The following CREB3L2 variants were observed in gnomAD, a reference collection of about 807,000 sequenced individuals.
CREB3L2 encodes cAMP responsive element binding protein 3 like 2.
CREB3L2 carries 23 observed loss-of-function variants against 57.2 expected under a neutral mutation model. The observed-to-expected ratio is 0.40, with a 90% confidence interval of 0.29 to 0.57. The LOEUF is 0.57. Ranked by LOEUF, CREB3L2 falls within the 20% of genes least tolerant of loss-of-function variation. The pLI is 0.42. For missense variants in CREB3L2, 628 were observed against 634.7 expected (o/e 0.99, Z 0.11); for synonymous variants, 268 against 265.1 (o/e 1.01, Z -0.11).
intron 3 of CREB3L2, 70 bp downstream of exon 3, chr7:137,915,767 T>G: frequency 2.1e-6 from 3 of 1,402,408 alleles, no homozygotes; most frequent in Non-Finnish European, 2.9e-6. Flanking sequence ...ATTAAACACC[T>G]TATTGGAGAA....
chr7:137,917,381 A>C (rs1019435962), intron 2 of CREB3L2, among the ~76,000 whole-genome samples: 2 of 152,204 alleles, frequency 1.3e-5, no homozygotes, highest in African/African-American at 4.8e-5. Context: ...GAACAAGACA[A>C]AGCAAGCCAA....
chr7:137,978,944 A>T lies in CREB3L2; in HGVS notation c.102+22660T>A, dbSNP rs1221657715. Among the ~76,000 whole-genome samples the T allele has an allele frequency of 3.3e-5, 5 of 152,332 alleles. No individual in the cohort carries two copies. The East Asian group carries it at 9.6e-4, about 29-fold the overall frequency. ...GCCCCATGCATGGTGGGATGAGGCG[A>T]AGGTCTGATGGCATCTCAGAGATGT... On this transcript the variant is annotated intron_variant, in intron 1 of 11. Transcript: ENST00000330387.
chr7:137,976,310 C>T (rs1007353439), intron 1 of CREB3L2, among the ~76,000 whole-genome samples: 36 of 152,228 alleles, frequency 2.4e-4, no homozygotes, highest in African/African-American at 8.4e-4. Context: ...TCTCCACTTA[C>T]CTCCACACTC....
chr7:137,988,239 G>A (rs1035131924), intron 1 of CREB3L2, among the ~76,000 whole-genome samples: 2 of 152,388 alleles, frequency 1.3e-5, no homozygotes, highest in African/African-American at 2.4e-5. Context: ...GAGAGCAAGG[G>A]CAGAACCCAG....
intron 1 of CREB3L2, among the ~76,000 whole-genome samples, chr7:137,989,347 A>C (rs945231977): frequency 6.7e-6 from 1 of 148,946 alleles, no homozygotes; most frequent in Non-Finnish European, 1.5e-5. Context: ...TGAATAGCAC[A>C]CTCAACCCTT....
intron 1 of CREB3L2, among the ~76,000 whole-genome samples, chr7:137,954,384 G>A (rs1801166067): frequency 6.6e-6 from 1 of 152,138 alleles, no homozygotes; most frequent in African/African-American, 2.4e-5. Context: ...CCAGAAGTAG[G>A]GGTGGACCCA....
At chr7:137,884,893 T>A (rs1390930642) in intron 10 of CREB3L2, 102 bp downstream of exon 10, 1 of 1,526,282 alleles carries the variant, frequency 6.6e-7, no homozygotes, top group Admixed American at 1.7e-5. Flanking sequence ...TACCACTTTT[T>A]AAACATTGGA....
At chr7:137,910,797 A>T (rs1301950341) in intron 4 of CREB3L2, among the ~76,000 whole-genome samples, 3 of 152,206 alleles carry the variant, frequency 2.0e-5, no homozygotes, top group Admixed American at 2.0e-4. Flanking sequence ...CCTATCTATT[A>T]AGAGCTACAG....
chr7:137,991,355 G>T (rs1445922820), intron 1 of CREB3L2, among the ~76,000 whole-genome samples: 1 of 151,542 alleles, frequency 6.6e-6, no homozygotes, highest in Admixed American at 6.6e-5. Context: ...TAGTAGAGAC[G>T]GGATTTCACC....
intron 1 of CREB3L2, among the ~76,000 whole-genome samples, chr7:137,985,009 G>A (rs915207517): frequency 6.6e-6 from 1 of 152,124 alleles, no homozygotes; most frequent in Non-Finnish European, 1.5e-5. Context: ...GGGAGCTGGG[G>A]GTTTTGTTTG....
intron 2 of CREB3L2, 58 bp from the exon 3 acceptor site, chr7:137,916,070 A>G: frequency 7.0e-7 from 1 of 1,422,728 alleles, no homozygotes; most frequent in South Asian, 1.4e-5. Flanking sequence ...GGCATAAGCA[A>G]AACAAGCGAC....
chr7:137,935,634 G>C (rs151228433), intron 1 of CREB3L2, among the ~76,000 whole-genome samples: 2 of 152,214 alleles, frequency 1.3e-5, no homozygotes, highest in East Asian at 3.9e-4. Context: ...ACCTAGCCCA[G>C]ATCAGAGATC....
intron 4 of CREB3L2, 21 bp from the exon 5 acceptor site, chr7:137,908,457 C>T (rs879856918): frequency 1.4e-5 from 18 of 1,253,884 alleles, no homozygotes; most frequent in African/African-American, 3.1e-5. Context: ...GGAAGCACAT[C>T]TCATCCATCC....
At chr7:137,996,593 C>T (rs1315333343) in intron 1 of CREB3L2, among the ~76,000 whole-genome samples, 1 of 152,242 alleles carries the variant, frequency 6.6e-6, no homozygotes, top group Non-Finnish European at 1.5e-5. Context: ...AATCATATCA[C>T]TCTCCGGGCC....
chr7:137,884,964 AC>A (rs772443304), intron 10 of CREB3L2, 30 bp downstream of exon 10: 1 of 1,613,784 alleles, frequency 6.2e-7, no homozygotes, highest in South Asian at 1.1e-5. Flanking sequence ...ATAAAACAAG[AC>A]CCTGCCCAAC....
chr7:137,986,394 G>A (rs113892105), intron 1 of CREB3L2, among the ~76,000 whole-genome samples: 4,222 of 152,286 alleles, frequency 0.028, 208 homozygotes, highest in African/African-American at 0.095. Context: ...CTGGGAAGGA[G>A]GGCAAGTTGG....
intron 1 of CREB3L2, among the ~76,000 whole-genome samples, chr7:137,937,476 C>T (rs1001669263): frequency 6.6e-6 from 1 of 152,142 alleles, no homozygotes; most frequent in Non-Finnish European, 1.5e-5. Context: ...GTGGCTCTCA[C>T]ACAAGTACCC....
rs273949 is a variant in CREB3L2 at position 137,922,459 on chromosome 7, C to T, written c.319+5691G>A. 522 of 106,198 alleles carry T rather than the reference C, an allele frequency of 4.9e-3. 38 individuals are homozygous for T. Among genetic ancestry groups the T allele is most frequent in the South Asian group, 0.013 (50 of 3,942 alleles). The allele number at this position is 106,198 out of a possible 1,614,324, so 6.6% of individuals were successfully genotyped here. A position where few individuals can be genotyped will look rare whatever the true frequency, so the allele number is the denominator to read the frequency against. ...ATACGTATATATATATATATACACACATATATATATACACACATATATATA... is the reference window on the plus strand; with the variant it reads ...ATACGTATATATATATATATACACATATATATATATACACACATATATATA... On this transcript the variant is annotated intron_variant, in intron 2 of 11. Transcript: ENST00000330387.
intron 1 of CREB3L2, among the ~76,000 whole-genome samples, chr7:137,972,846 C>G (rs61437803): frequency 6.7e-6 from 1 of 150,000 alleles, no homozygotes; most frequent in Non-Finnish European, 1.5e-5. Context: ...GAACTAAACT[C>G]TAAGGCACCT....
Sources: gnomAD v4.1 joint callset for allele counts (sites outside exome capture counted in the v4.1 genomes callset) on GRCh38, gnomAD v4.1.1 for gene constraint, MANE v1.5 for transcripts, NCBI Gene and HGNC (gene_info 2026-07-23, HGNC 2026-07-21) for gene names.